The following CNTNAP2 variants were observed in gnomAD, a reference collection of about 807,000 sequenced individuals.
The protein encoded by CNTNAP2 is contactin associated protein 2.
In CNTNAP2, 98 loss-of-function variants were observed where a neutral mutation model predicts 155.2. The observed-to-expected ratio is 0.63, with a 90% CI of 0.54 to 0.75. CNTNAP2 has a LOEUF of 0.75. CNTNAP2 is among the 30% of genes least tolerant of loss of function. The pLI is 0.00. For missense variants in CNTNAP2, 1,727 were observed against 1,688.1 expected (o/e 1.02, Z -0.40); for synonymous variants, 651 against 631.2 (o/e 1.03, Z -0.47).
intron 13 of CNTNAP2, among the ~76,000 whole-genome samples, chr7:147,675,127 C>T (rs1584893335): frequency 6.6e-6 from 1 of 152,064 alleles, no homozygotes; most frequent in Non-Finnish European, 1.5e-5. Context: ...CCTTCCCTGC[C>T]TCTTCCATAT....
chr7:146,942,362 G>A (rs1797073972), intron 3 of CNTNAP2, among the ~76,000 whole-genome samples: 1 of 151,958 alleles, frequency 6.6e-6, no homozygotes, highest in Non-Finnish European at 1.5e-5. Context: ...ATATGTGAAG[G>A]CGCTCATCAA....
At chr7:147,322,515 A>G (rs1230497154) in intron 9 of CNTNAP2, among the ~76,000 whole-genome samples, 1 of 151,942 alleles carries the variant, frequency 6.6e-6, no homozygotes, top group African/African-American at 2.4e-5. Context: ...GTGTTCATCA[A>G]GGATATTGGT....
At chr7:147,283,507 T>TA (rs1430241725) in intron 8 of CNTNAP2, among the ~76,000 whole-genome samples, 6 of 151,764 alleles carry the variant, frequency 4.0e-5, no homozygotes, top group African/African-American at 1.2e-4. Flanking sequence ...TGCTATATAA[T>TA]AAAAAAAGAT....
intron 1 of CNTNAP2, among the ~76,000 whole-genome samples, chr7:146,288,415 G>A (rs947898335): frequency 4.6e-5 from 7 of 152,138 alleles, no homozygotes; most frequent in Non-Finnish European, 4.4e-5. Context: ...ATGTACAGCA[G>A]GTCTTCAAGT....
At chr7:146,542,454 C>G (rs1368834844) in intron 1 of CNTNAP2, among the ~76,000 whole-genome samples, 1 of 151,898 alleles carries the variant, frequency 6.6e-6, no homozygotes, top group African/African-American at 2.4e-5. Context: ...CAGAAACCAT[C>G]TAGACTTGTG....
intron 13 of CNTNAP2, among the ~76,000 whole-genome samples, chr7:147,883,239 T>C (rs566750625): frequency 2.0e-5 from 3 of 152,254 alleles, no homozygotes; most frequent in African/African-American, 7.2e-5. Context: ...CCCCAAATCC[T>C]GCCCTCCCAA....
At chr7:147,557,665 G>A (rs1408083124) in intron 11 of CNTNAP2, among the ~76,000 whole-genome samples, 1 of 152,118 alleles carries the variant, frequency 6.6e-6, no homozygotes, top group African/African-American at 2.4e-5. Context: ...ACTGGCTGAG[G>A]CATGCAGGGT....
intron 17 of CNTNAP2, among the ~76,000 whole-genome samples, chr7:148,155,264 T>C (rs1377901228): frequency 6.6e-6 from 1 of 152,204 alleles, no homozygotes. Context: ...ATCATTCCTC[T>C]TGTCAAAGCA....
intron 4 of CNTNAP2, among the ~76,000 whole-genome samples, chr7:147,060,875 AG>A (rs370125339): frequency 0.029 from 4,052 of 141,804 alleles, no homozygotes; most frequent in African/African-American, 0.097. Context: ...AAAAAAAAAT[AG>A]AAAAAGAAAA....
At chr7:148,217,198 C>A in intron 18 of CNTNAP2, 90 bp from the exon 19 acceptor site, 1 of 1,272,578 alleles carries the variant, frequency 7.9e-7, no homozygotes, top group Non-Finnish European at 1.1e-6. Flanking sequence ...GAGCCAGTGC[C>A]TGCACTCCAT....
intron 15 of CNTNAP2, among the ~76,000 whole-genome samples, chr7:147,991,873 A>G (rs1801715814): frequency 6.6e-6 from 1 of 152,104 alleles, no homozygotes; most frequent in African/African-American, 2.4e-5. Context: ...CAGTTCACCT[A>G]TTTTATGATA....
chr7:147,943,766 CAAAAAAAAAAAAAAAAAAAA>C (rs144842680), intron 14 of CNTNAP2, among the ~76,000 whole-genome samples: 5 of 40,134 alleles, frequency 1.2e-4, no homozygotes, highest in Admixed American at 7.8e-4. Flanking sequence ...GACCCCGTCT[CAAAAAAAAAAAAAAAAAAAA>C]AAAAAAAAAA....
intron 20 of CNTNAP2, among the ~76,000 whole-genome samples, chr7:148,263,390 A>G (rs1012523763): frequency 1.3e-5 from 2 of 152,142 alleles, no homozygotes; most frequent in Admixed American, 6.5e-5. Flanking sequence ...GCAAGATGAC[A>G]CAATCAACAA....
intron 10 of CNTNAP2, among the ~76,000 whole-genome samples, chr7:147,445,977 G>T (rs151315488): frequency 6.6e-6 from 1 of 152,034 alleles, no homozygotes; most frequent in African/African-American, 2.4e-5. Flanking sequence ...CAAAGGTTCT[G>T]AGTGGTTGTA....
At chr7:147,343,477 C>T (rs1795797559) in intron 9 of CNTNAP2, among the ~76,000 whole-genome samples, 1 of 152,002 alleles carries the variant, frequency 6.6e-6, no homozygotes, top group Admixed American at 6.6e-5. Context: ...CTTGGAGCCT[C>T]ATTTTAATAT....
chr7:147,872,522 G>A (rs1054466501), intron 13 of CNTNAP2, among the ~76,000 whole-genome samples: 1 of 152,154 alleles, frequency 6.6e-6, no homozygotes, highest in African/African-American at 2.4e-5. Context: ...GGGCAAATCT[G>A]GAGATGAGCT....
At position 148,328,740 on chromosome 7, in the gene CNTNAP2, C is replaced by T. The variant is rs569001576; in HGVS notation, c.3476-54909C>T. Among the ~76,000 whole-genome samples the T allele has an allele frequency of 5.6e-4, 85 of 150,896 alleles. 1 individual carries two copies. Among genetic ancestry groups the T allele is most frequent in the Non-Finnish European group, 1.0e-3 (70 of 67,840 alleles). Reference sequence around the variant, plus strand: ...ATCCCAGCACTGTGGGAGGCCGAGGCGGGTGGATCACAAGTTCAGGAGTTT... The same window carrying T: ...ATCCCAGCACTGTGGGAGGCCGAGGTGGGTGGATCACAAGTTCAGGAGTTT... On this transcript the variant is annotated intron_variant, in intron 21 of 23. Transcript: ENST00000361727.
chr7:148,241,855 G>A (rs569648916), intron 20 of CNTNAP2, among the ~76,000 whole-genome samples: 1 of 152,132 alleles, frequency 6.6e-6, no homozygotes, highest in Non-Finnish European at 1.5e-5. Context: ...TGCACTCCAG[G>A]GCTAGACAGT....
At chr7:148,050,796 T>G (rs1465859779) in intron 15 of CNTNAP2, among the ~76,000 whole-genome samples, 1 of 152,224 alleles carries the variant, frequency 6.6e-6, no homozygotes, top group African/African-American at 2.4e-5. Flanking sequence ...TTTACTGTAC[T>G]TTTTCTATGT....
Sources: gnomAD v4.1 joint callset for allele counts (sites outside exome capture counted in the v4.1 genomes callset) on GRCh38, gnomAD v4.1.1 for gene constraint, MANE v1.5 for transcripts, NCBI Gene and HGNC (gene_info 2026-07-23, HGNC 2026-07-21) for gene names.